The following MACO1 variants were observed in gnomAD, a reference collection of about 807,000 sequenced individuals.
MACO1 encodes the protein macoilin 1.
MACO1 carries 14 observed loss-of-function variants against 78.7 expected under a neutral mutation model. That is an observed-to-expected ratio of 0.18 (90% confidence interval 0.12 to 0.28). MACO1 has a LOEUF of 0.28. MACO1 is among the 10% of genes least tolerant of loss of function. The pLI is 1.00. For synonymous variants in MACO1, 288 were observed against 291.6 expected (o/e 0.99, Z 0.12); for missense variants, 501 against 799.0 (o/e 0.63, Z 4.50).
At chr1:25,491,901 C>T (rs1262265519) in intron 10 of MACO1, among the ~76,000 whole-genome samples, 2 of 152,104 alleles carry the variant, frequency 1.3e-5, no homozygotes, top group Non-Finnish European at 2.9e-5. Flanking sequence ...TATACGGGGC[C>T]TGAGGGAACA....
At chr1:25,489,318 C>A in intron 9 of MACO1, 25 bp downstream of exon 9, 1 of 1,610,034 alleles carries the variant, frequency 6.2e-7, no homozygotes, top group South Asian at 1.1e-5. Context: ...AAAGACTTCC[C>A]TTGTATTTGA....
intron 6 of MACO1, among the ~76,000 whole-genome samples, chr1:25,465,790 A>G (rs926139390): frequency 1.3e-5 from 2 of 152,152 alleles, no homozygotes; most frequent in African/African-American, 4.8e-5. Flanking sequence ...CCGAGTCTGC[A>G]TTGTCTATCA....
rs111789320 is a variant in MACO1, at chr1:25,475,082, C to T, written c.1155-9034C>T. 5.0e-3 allele frequency among the ~76,000 whole-genome samples: 767 copies of T among 152,312 alleles called. 5 individuals are homozygous for T. The highest frequency in any genetic ancestry group is 0.018 in the African/African-American group (729 of 41,570). Reference sequence around the variant, plus strand: ...CATTCTCGGCCGGGCACTTGGCTCACGCCTGTAATCCCAGCACTTTGGGAG... The same window carrying T: ...CATTCTCGGCCGGGCACTTGGCTCATGCCTGTAATCCCAGCACTTTGGGAG... On this transcript the variant is annotated intron_variant, in intron 6 of 10. Transcript: ENST00000374343.
intron 3 of MACO1, among the ~76,000 whole-genome samples, chr1:25,453,538 C>G (rs866929829): frequency 6.6e-6 from 1 of 150,788 alleles, no homozygotes. Flanking sequence ...TGGTGGGCGC[C>G]TATAGTCCCA....
At chr1:25,447,519 T>C (rs879452745) in intron 2 of MACO1, among the ~76,000 whole-genome samples, 6 of 152,256 alleles carry the variant, frequency 3.9e-5, no homozygotes, top group Non-Finnish European at 7.3e-5. Flanking sequence ...AAAATAGTTA[T>C]ATTTTCTAAA....
At chr1:25,455,705 T>G (rs1285584790) in intron 4 of MACO1, among the ~76,000 whole-genome samples, 1 of 152,204 alleles carries the variant, frequency 6.6e-6, no homozygotes, top group Non-Finnish European at 1.5e-5. Flanking sequence ...AACCAAATCT[T>G]GGCACTGATC....
rs949912156 is a variant in MACO1, at chr1:25,453,445, C to T, written c.350-814C>T. 2.7e-5 allele frequency among the ~76,000 whole-genome samples: 4 copies of T among 150,900 alleles called. No homozygotes were observed. The East Asian group carries it at 5.9e-4, about 22-fold the overall frequency. ...TTGGGAGGCTGAGGTGGGCGGATCACGAGGTCAGCAGATGGAGACCATCCT... is the reference window on the plus strand; with the variant it reads ...TTGGGAGGCTGAGGTGGGCGGATCATGAGGTCAGCAGATGGAGACCATCCT... On this transcript the variant is annotated intron_variant, in intron 3 of 10. Coordinates refer to ENST00000374343, the MANE Select transcript of MACO1 (RefSeq NM_018202.6).
intron 10 of MACO1, among the ~76,000 whole-genome samples, chr1:25,493,422 G>GTT (rs1381498064): frequency 2.1e-5 from 3 of 146,238 alleles, no homozygotes; most frequent in Non-Finnish European, 4.5e-5. Context: ...TTTTTTTTCT[G>GTT]TTTTTTTTCT....
chr1:25,480,237 T>G (rs763899977), intron 6 of MACO1, among the ~76,000 whole-genome samples: 1 of 152,260 alleles, frequency 6.6e-6, no homozygotes, highest in African/African-American at 2.4e-5. Context: ...TGCCATTTAC[T>G]GTTTTATGTT....
rs2042858689 is a variant in MACO1 at position 25,431,037 on chromosome 1, C to T, written c.-62C>T. On this transcript the variant is annotated 5_prime_UTR_variant, in exon 1 of 11. Coordinates refer to ENST00000374343, the MANE Select transcript of MACO1 (RefSeq NM_018202.6). The stretch of plus-strand genomic sequence containing the variant: ...GGCCCGACGCGGGGCGGGCCAGCGG[C>T]GGCGGCAGCTGAGGTGAGAGACGGC... 5.0e-6 allele frequency: 7 copies of T among 1,405,482 alleles called. No individual in the cohort carries two copies. The highest frequency in any genetic ancestry group is 6.7e-6 in the Non-Finnish European group (7 of 1,043,362). The allele number at this position is 1,405,482 out of a possible 1,614,324, so 87.1% of individuals were successfully genotyped here.
chr1:25,445,976 TA>T (rs543064331), intron 1 of MACO1, among the ~76,000 whole-genome samples: 2 of 152,180 alleles, frequency 1.3e-5, no homozygotes, highest in Non-Finnish European at 2.9e-5. Context: ...TGAAAAATAA[TA>T]TTTTTTTTCT....
At chr1:25,493,631 A>G (rs2043508415) in intron 10 of MACO1, among the ~76,000 whole-genome samples, 1 of 149,174 alleles carries the variant, frequency 6.7e-6, no homozygotes, top group South Asian at 2.1e-4. Context: ...TGAAACTCTT[A>G]TTTTCCAAAA....
At chr1:25,468,998 T>C (rs1255909006) in intron 6 of MACO1, among the ~76,000 whole-genome samples, 1 of 151,934 alleles carries the variant, frequency 6.6e-6, no homozygotes, top group Non-Finnish European at 1.5e-5. Flanking sequence ...TGCCACCACA[T>C]CTGGCTAATT....
rs1167239773 is a variant in MACO1, at chr1:25,431,131, C to T, written c.33C>T (p.Leu11=). ...GGCGGAACGCCGACTGCAGTAAGCTCCGCCGCCCCCTAAAGCGGAACCGGA... is the reference window on the plus strand; with the variant it reads ...GGCGGAACGCCGACTGCAGTAAGCTTCGCCGCCCCCTAAAGCGGAACCGGA... MKRRNADCSK[L]RRPLKRNRIT... is the part of the protein sequence containing the mutation. Residue 11 remains leucine (L), a synonymous_variant, in exon 1 of 11, where the codon CTC becomes CTT. Coordinates refer to ENST00000374343, the MANE Select transcript of MACO1 (RefSeq NM_018202.6). 3.8e-6 allele frequency: 6 copies of T among 1,598,020 alleles called. No homozygotes were observed. The highest frequency in any genetic ancestry group is 5.1e-6 in the Non-Finnish European group (6 of 1,174,526).
rs111525687 is a variant in MACO1, at chr1:25,459,767, G to A, written c.1154+875G>A. Reference sequence around the variant, plus strand: ...CCTGGGATTACAGATGTGAGCCACCGTGCCCGGCCATAAAAGAATAACATT... The same window carrying A: ...CCTGGGATTACAGATGTGAGCCACCATGCCCGGCCATAAAAGAATAACATT... On this transcript the variant is annotated intron_variant, in intron 6 of 10. Coordinates refer to ENST00000374343, the MANE Select transcript of MACO1 (RefSeq NM_018202.6). Among the ~76,000 whole-genome samples the A allele has an allele frequency of 5.1e-3, 776 of 152,226 alleles. 5 individuals carry two copies. The highest frequency in any genetic ancestry group is 0.018 in the African/African-American group (736 of 41,540).
At chr1:25,457,551 A>G (rs1447846633) in intron 5 of MACO1, among the ~76,000 whole-genome samples, 1 of 152,222 alleles carries the variant, frequency 6.6e-6, no homozygotes, top group Admixed American at 6.5e-5. Context: ...CAGAAGCCAG[A>G]TGTCTTCTGA....
intron 1 of MACO1, among the ~76,000 whole-genome samples, chr1:25,442,690 A>T (rs1163259769): frequency 2.7e-5 from 4 of 145,902 alleles, no homozygotes; most frequent in African/African-American, 1.0e-4. Flanking sequence ...AATGGTTGTA[A>T]ATGGCAAAGG....
At chr1:25,459,036 C>T in intron 6 of MACO1, 144 bp downstream of exon 6, 1 of 1,041,102 alleles carries the variant, frequency 9.6e-7, no homozygotes. Context: ...GTTTGTTGGC[C>T]ACCTTGTGTT....
chr1:25,451,815 A>G (rs1030196624), intron 3 of MACO1, among the ~76,000 whole-genome samples: 2 of 152,048 alleles, frequency 1.3e-5, no homozygotes, highest in African/African-American at 4.8e-5. Context: ...CTGAGGCAGG[A>G]AAATCGCTTG....
Sources: allele counts gnomAD v4.1 joint callset (sites outside exome capture counted in the v4.1 genomes callset), GRCh38; gene constraint gnomAD v4.1.1; transcripts MANE v1.5; gene names NCBI Gene and HGNC (gene_info 2026-07-23, HGNC 2026-07-21).